SDK1: variants seen among roughly 807,000 people sequenced by gnomAD.
SDK1 encodes sidekick cell adhesion molecule 1, also known as protein sidekick-1.
SDK1 carries 157 observed loss-of-function variants against 245.5 expected under a neutral mutation model. The observed-to-expected ratio is 0.64, with a 90% CI of 0.56 to 0.73. The LOEUF (loss-of-function observed/expected upper bound fraction) is 0.73. SDK1 is among the 30% of genes least tolerant of loss of function. The pLI is 0.00. For missense variants in SDK1, 3,583 were observed against 3,002.3 expected (o/e 1.19, Z -4.52); for synonymous variants, 1,647 against 1,278.5 (o/e 1.29, Z -6.15).
chr7:3,781,199 C>T (rs1016643109), intron 4 of SDK1, among the ~76,000 whole-genome samples: 1 of 152,152 alleles, frequency 6.6e-6, no homozygotes. Flanking sequence ...CCCTGCCCAA[C>T]TGTAGATCTC....
chr7:3,856,648 A>G (rs2097900), intron 5 of SDK1, among the ~76,000 whole-genome samples: 54,143 of 151,674 alleles, frequency 0.36, 13,183 homozygotes, highest in African/African-American at 0.7. Flanking sequence ...AAAATTAGCC[A>G]GGCATGGTGG....
intron 14 of SDK1, among the ~76,000 whole-genome samples, chr7:4,008,541 T>C (rs1282579913): frequency 6.6e-6 from 1 of 152,206 alleles, no homozygotes; most frequent in Non-Finnish European, 1.5e-5. Flanking sequence ...GGCTGAACCT[T>C]TGATTTTTTT....
At chr7:4,072,357 T>C (rs998722228) in intron 20 of SDK1, among the ~76,000 whole-genome samples, 5 of 152,180 alleles carry the variant, frequency 3.3e-5, no homozygotes, top group African/African-American at 1.2e-4. Flanking sequence ...CCCTTCCTGC[T>C]CACTGTAATG....
intron 42 of SDK1, among the ~76,000 whole-genome samples, chr7:4,240,556 A>C (rs984720519): frequency 1.2e-4 from 18 of 152,156 alleles, no homozygotes; most frequent in Admixed American, 5.2e-4. Flanking sequence ...TAAGGTTTAA[A>C]GCACGTCAAA....
chr7:3,632,937 T>G (rs1252882006), intron 2 of SDK1, among the ~76,000 whole-genome samples: 1 of 152,216 alleles, frequency 6.6e-6, no homozygotes, highest in Non-Finnish European at 1.5e-5. Context: ...CATCCCACTT[T>G]GGATTTTTTA....
intron 4 of SDK1, among the ~76,000 whole-genome samples, chr7:3,678,419 A>G (rs7790719): frequency 0.75 from 114,261 of 152,146 alleles, 43,349 homozygotes; most frequent in African/African-American, 0.85. Flanking sequence ...TGTAGGTACC[A>G]TGGACTATTA....
intron 1 of SDK1, among the ~76,000 whole-genome samples, chr7:3,443,685 C>A (rs997105371): frequency 2.0e-5 from 3 of 152,114 alleles, no homozygotes. Context: ...TTTGTAATTG[C>A]GAAGGGGAAA....
At position 3,620,119 on chromosome 7, in the gene SDK1, A is replaced by T. The variant is rs554548468; in HGVS notation, c.458+880A>T. On this transcript the variant is annotated intron_variant, in intron 2 of 44. Transcript: ENST00000404826. ...GAGTGGGCTGTATAGAGGCATTTTA[A>T]GTGGAATAACAAGCTTCTCAAATGG... Among the ~76,000 whole-genome samples, 20 of 152,230 alleles carry T rather than the reference A, an allele frequency of 1.3e-4. No homozygotes were observed. The East Asian group carries it at 3.7e-3, about 28-fold the overall frequency.
intron 1 of SDK1, among the ~76,000 whole-genome samples, chr7:3,332,645 A>G (rs1222907707): frequency 6.6e-6 from 1 of 152,094 alleles, no homozygotes; most frequent in African/African-American, 2.4e-5. Flanking sequence ...AAGGCTCTGC[A>G]TTTTATAATT....
intron 1 of SDK1, among the ~76,000 whole-genome samples, chr7:3,590,329 A>G (rs1780828676): frequency 9.3e-6 from 1 of 107,524 alleles, no homozygotes; most frequent in Non-Finnish European, 1.8e-5. Context: ...TTTGCTTTGA[A>G]GTGTGAATGA....
chr7:3,667,215 T>C (rs1242192838), intron 4 of SDK1, among the ~76,000 whole-genome samples: 1 of 152,226 alleles, frequency 6.6e-6, no homozygotes, highest in Admixed American at 6.5e-5. Flanking sequence ...GTTTATATAG[T>C]GTGTTCAAAT....
At chr7:3,818,667 G>C (rs1267080428) in intron 4 of SDK1, among the ~76,000 whole-genome samples, 1 of 152,198 alleles carries the variant, frequency 6.6e-6, no homozygotes, top group East Asian at 1.9e-4. Context: ...GGTTCAACAG[G>C]AAGTATCTGA....
intron 1 of SDK1, among the ~76,000 whole-genome samples, chr7:3,422,069 TTAA>T (rs1182834993): frequency 6.6e-6 from 1 of 152,174 alleles, no homozygotes; most frequent in African/African-American, 2.4e-5. Context: ...ATATGAGGCC[TTAA>T]TAACAACAAC....
chr7:3,412,784 T>C (rs1458848321), intron 1 of SDK1, among the ~76,000 whole-genome samples: 1 of 152,198 alleles, frequency 6.6e-6, no homozygotes, highest in Non-Finnish European at 1.5e-5. Context: ...AGGAATTTAT[T>C]TGGGCTAATA....
chr7:4,100,787 CCCTGGGCCTG>C (rs1303903402), intron 22 of SDK1, among the ~76,000 whole-genome samples: 3 of 152,192 alleles, frequency 2.0e-5, no homozygotes, highest in Non-Finnish European at 4.4e-5. Flanking sequence ...CACCAGGCAC[CCCTGGGCCTG>C]GAGAGGGAGG....
intron 19 of SDK1, among the ~76,000 whole-genome samples, chr7:4,063,699 C>T (rs144089679): frequency 1.1e-4 from 16 of 151,832 alleles, no homozygotes; most frequent in Admixed American, 9.2e-4. Flanking sequence ...GGAGGAATCA[C>T]ACTACCTATC....
At chr7:3,401,231 A>T (rs537006547) in intron 1 of SDK1, among the ~76,000 whole-genome samples, 2 of 152,190 alleles carry the variant, frequency 1.3e-5, no homozygotes, top group South Asian at 4.1e-4. Flanking sequence ...GAATAATCAC[A>T]TGACAAGATT....
chr7:4,260,146 C>T (rs1409141760), intron 44 of SDK1, among the ~76,000 whole-genome samples: 12 of 148,732 alleles, frequency 8.1e-5, no homozygotes, highest in Non-Finnish European at 1.6e-4. Flanking sequence ...CTGGCTGCTC[C>T]GGGGTCTCTG....
chr7:4,067,795 T>C, intron 19 of SDK1, 43 bp from the exon 20 acceptor site: 10 of 1,466,988 alleles, frequency 6.8e-6, no homozygotes, highest in Non-Finnish European at 9.4e-6. Flanking sequence ...AAAAGAAAAT[T>C]TGGGCTATTG....
Sources: gnomAD v4.1 joint callset for allele counts (sites outside exome capture counted in the v4.1 genomes callset) on GRCh38, gnomAD v4.1.1 for gene constraint, MANE v1.5 for transcripts, NCBI Gene and HGNC (gene_info 2026-07-23, HGNC 2026-07-21) for gene names.